Variants in CDH18 observed in about 807,000 individuals in gnomAD.
CDH18 encodes cadherin-18.
A neutral mutation model predicts 67.9 loss-of-function variants in CDH18; 31 were observed. The ratio of observed to expected loss-of-function variants is 0.46; its 90% CI spans 0.34 to 0.62. The LOEUF (loss-of-function observed/expected upper bound fraction) is 0.62. Ranked by LOEUF, CDH18 falls within the 20% of genes least tolerant of loss-of-function variation. The probability of loss-of-function intolerance (pLI) is 0.01; values close to 1 mark genes in which losing one functional copy is unlikely to be tolerated. For synonymous variants in CDH18, 362 were observed against 347.2 expected, an observed-to-expected ratio of 1.04 and a Z score of -0.48; for missense variants, 890 against 975.5, an observed-to-expected ratio of 0.91 and a Z score of 1.17.
chr5:19,634,984 C>CTCAT (rs1213567455), intron 5 of CDH18, among the ~76,000 whole-genome samples: 1 of 151,452 alleles, frequency 6.6e-6, no homozygotes, highest in Non-Finnish European at 1.5e-5. Context: ...TTGGTGGGTG[C>CTCAT]TCATAATTTT....
At chr5:19,710,015 A>T (rs1191337008) in intron 5 of CDH18, among the ~76,000 whole-genome samples, 2 of 152,076 alleles carry the variant, frequency 1.3e-5, no homozygotes, top group African/African-American at 4.8e-5. Context: ...GGCACCTGTA[A>T]TCCCAGCTAC....
intron 1 of CDH18, among the ~76,000 whole-genome samples, chr5:20,515,005 T>A (rs1755272837): frequency 6.6e-6 from 1 of 150,384 alleles, no homozygotes; most frequent in African/African-American, 2.4e-5. Flanking sequence ...TGCTGGGGAG[T>A]AAAAATTAAA....
intron 1 of CDH18, among the ~76,000 whole-genome samples, chr5:20,481,325 A>G (rs1257408053): frequency 6.6e-6 from 1 of 152,180 alleles, no homozygotes; most frequent in Non-Finnish European, 1.5e-5. Context: ...GAGGACTCAG[A>G]TACATAAAGC....
At chr5:19,714,261 G>T (rs1471481600) in intron 5 of CDH18, among the ~76,000 whole-genome samples, 2 of 123,546 alleles carry the variant, frequency 1.6e-5, no homozygotes, top group Non-Finnish European at 3.8e-5. Context: ...GATAGATACA[G>T]GGAAGTTGGA....
chr5:19,728,958 T>C (rs1767228698), intron 4 of CDH18, among the ~76,000 whole-genome samples: 1 of 152,216 alleles, frequency 6.6e-6, no homozygotes, highest in African/African-American at 2.4e-5. Flanking sequence ...ATTGTAGTCA[T>C]TGTGTAATTT....
intron 1 of CDH18, among the ~76,000 whole-genome samples, chr5:20,456,032 C>T (rs1385778639): frequency 6.6e-6 from 1 of 151,974 alleles, no homozygotes; most frequent in Admixed American, 6.6e-5. Context: ...TATTTGGTTG[C>T]TAAGACAAGC....
chr5:19,548,826 C>T (rs1260976989), intron 8 of CDH18, among the ~76,000 whole-genome samples: 1 of 148,454 alleles, frequency 6.7e-6, no homozygotes, highest in Non-Finnish European at 1.5e-5. Context: ...TCTCAGCTGA[C>T]TGCAACCTCT....
intron 1 of CDH18, among the ~76,000 whole-genome samples, chr5:20,349,702 C>A (rs1741006705): frequency 6.6e-6 from 1 of 152,134 alleles, no homozygotes; most frequent in East Asian, 1.9e-4. Flanking sequence ...TGTTATTTTT[C>A]ATATTTAACA....
At chr5:20,248,498 A>C (rs1041809326) in intron 2 of CDH18, among the ~76,000 whole-genome samples, 1 of 152,218 alleles carries the variant, frequency 6.6e-6, no homozygotes, top group Non-Finnish European at 1.5e-5. Flanking sequence ...AACTAGCAGC[A>C]GCAGAAGTAA....
intron 1 of CDH18, among the ~76,000 whole-genome samples, chr5:20,574,934 T>C (rs1184851898): frequency 2.0e-5 from 3 of 152,136 alleles, no homozygotes; most frequent in South Asian, 2.1e-4. Flanking sequence ...TTAACAAATA[T>C]TGTGTTTGTA....
chr5:19,821,842 A>T (rs1486524657), intron 3 of CDH18, among the ~76,000 whole-genome samples: 1 of 152,182 alleles, frequency 6.6e-6, no homozygotes, highest in Non-Finnish European at 1.5e-5. Flanking sequence ...TCCAAACAAG[A>T]ATTTCATATC....
intron 1 of CDH18, among the ~76,000 whole-genome samples, chr5:20,280,285 T>A (rs183741222): frequency 6.6e-6 from 1 of 152,220 alleles, no homozygotes; most frequent in Non-Finnish European, 1.5e-5. Flanking sequence ...TGTACACATG[T>A]GCCATTTTGG....
At chr5:20,325,157 T>C (rs1220117464) in intron 1 of CDH18, among the ~76,000 whole-genome samples, 1 of 152,230 alleles carries the variant, frequency 6.6e-6, no homozygotes, top group Admixed American at 6.5e-5. Context: ...AAATAGTTAC[T>C]AATAGTTTTC....
intron 10 of CDH18, among the ~76,000 whole-genome samples, chr5:19,506,183 T>G (rs1207005756): frequency 6.6e-6 from 1 of 152,094 alleles, no homozygotes; most frequent in Non-Finnish European, 1.5e-5. Context: ...ATAAAATACC[T>G]AGGAATCCAA....
At chr5:20,061,773 TA>T in intron 2 of CDH18, among the ~76,000 whole-genome samples, 1 of 152,358 alleles carries the variant, frequency 6.6e-6, no homozygotes, top group African/African-American at 2.4e-5. Context: ...AGCATTGCTT[TA>T]ATAAGTAATC....
chr5:19,810,747 G>C (rs1019324366), intron 3 of CDH18, among the ~76,000 whole-genome samples: 5 of 152,008 alleles, frequency 3.3e-5, no homozygotes, highest in Admixed American at 6.6e-5. Flanking sequence ...TGTTGGCTGG[G>C]CACAGTGGCT....
At chr5:20,273,077 T>C (rs1745555300) in intron 1 of CDH18, among the ~76,000 whole-genome samples, 1 of 152,104 alleles carries the variant, frequency 6.6e-6, no homozygotes, top group Non-Finnish European at 1.5e-5. Flanking sequence ...GAAATTTCCA[T>C]CTCTATTCAT....
chr5:19,971,843 A>C (rs1023447709), intron 2 of CDH18, among the ~76,000 whole-genome samples: 4 of 129,802 alleles, frequency 3.1e-5, no homozygotes, highest in African/African-American at 1.2e-4. Context: ...TCTAAACTTA[A>C]ACGTTAAAAA....
At position 19,571,563 on chromosome 5, in the gene CDH18, T is replaced by G. The variant is rs1226256620; in HGVS notation, c.1253+16A>C. On this transcript the variant is annotated intron_variant, in intron 8 of 12. Transcript: ENST00000382275. ...TAAAAATCTTTCTATGTCTAAACGATTGAAGCATGCCATACCTTACTAAGC... is the reference window on the plus strand; with the variant it reads ...TAAAAATCTTTCTATGTCTAAACGAGTGAAGCATGCCATACCTTACTAAGC... 1.2e-6 allele frequency: 2 copies of G among 1,606,808 alleles called. No homozygotes were observed. Among genetic ancestry groups the G allele is most frequent in the Admixed American group, 3.4e-5 (2 of 59,676 alleles).
Sources: allele counts gnomAD v4.1 joint callset (sites outside exome capture counted in the v4.1 genomes callset), GRCh38; gene constraint gnomAD v4.1.1; transcripts MANE v1.5; gene names NCBI Gene and HGNC (gene_info 2026-07-23, HGNC 2026-07-21).